Variants in FMNL2 observed in about 807,000 individuals in gnomAD.
FMNL2 encodes formin-like protein 2.
A neutral mutation model predicts 130.2 loss-of-function variants in FMNL2; 51 were observed. The observed-to-expected ratio is 0.39, with a 90% CI of 0.31 to 0.49. The LOEUF is 0.49. Among genes scored for constraint, FMNL2 ranks in the 20% least tolerant of loss-of-function variants. FMNL2 has a pLI of 0.85. For synonymous variants in FMNL2, 465 were observed against 467.1 expected (o/e 1.00, Z 0.06); for missense variants, 977 against 1,316.2 (o/e 0.74, Z 3.99).
chr2:152,578,733 T>C (rs1696613187), intron 7 of FMNL2, 155 bp from the exon 8 acceptor site: 1 of 531,946 alleles, frequency 1.9e-6, no homozygotes, highest in Non-Finnish European at 3.3e-6. Flanking sequence ...AGAAATATGC[T>C]CTGACAGTGA....
At chr2:152,472,241 C>T (rs983352535) in intron 1 of FMNL2, among the ~76,000 whole-genome samples, 2 of 152,094 alleles carry the variant, frequency 1.3e-5, no homozygotes, top group African/African-American at 4.8e-5. Flanking sequence ...CTTTAAGTAC[C>T]TTGAGGTAGT....
intron 1 of FMNL2, among the ~76,000 whole-genome samples, chr2:152,440,703 T>G (rs1319388657): frequency 6.6e-6 from 1 of 152,166 alleles, no homozygotes; most frequent in Non-Finnish European, 1.5e-5. Context: ...AACACATTCT[T>G]ATTAGTGCCG....
chr2:152,549,142 C>T, intron 4 of FMNL2, 45 bp downstream of exon 4: 1 of 1,353,018 alleles, frequency 7.4e-7, no homozygotes, highest in South Asian at 1.4e-5. Flanking sequence ...CTTTTGGACA[C>T]TTTACAAAGT....
chr2:152,353,750 G>T (rs1682634036), intron 1 of FMNL2, among the ~76,000 whole-genome samples: 1 of 152,340 alleles, frequency 6.6e-6, no homozygotes, highest in South Asian at 2.1e-4. Flanking sequence ...AGAAGTGGTT[G>T]TTCTGATTAT....
At chr2:152,540,280 A>C (rs1012267853) in intron 2 of FMNL2, among the ~76,000 whole-genome samples, 4 of 152,110 alleles carry the variant, frequency 2.6e-5, no homozygotes, top group Non-Finnish European at 5.9e-5. Context: ...CTACTGCTAA[A>C]TCCCCATGGC....
intron 1 of FMNL2, among the ~76,000 whole-genome samples, chr2:152,508,000 G>A (rs1451151240): frequency 1.3e-5 from 2 of 152,198 alleles, no homozygotes; most frequent in Non-Finnish European, 2.9e-5. Context: ...TATGGCTTTT[G>A]TGTTAATTTG....
At chr2:152,636,923 G>C (rs1682661884) in intron 22 of FMNL2, among the ~76,000 whole-genome samples, 1 of 152,122 alleles carries the variant, frequency 6.6e-6, no homozygotes, top group African/African-American at 2.4e-5. Flanking sequence ...CCTGTGTAGT[G>C]GGTTTCTGTA....
At chr2:152,633,190 G>A (rs1049939398) in intron 21 of FMNL2, among the ~76,000 whole-genome samples, 2 of 151,688 alleles carry the variant, frequency 1.3e-5, no homozygotes, top group African/African-American at 4.8e-5. Flanking sequence ...TGACCTCCCA[G>A]GCTGAAACGA....
chr2:152,512,605 A>G (rs753285891), intron 1 of FMNL2, among the ~76,000 whole-genome samples: 5 of 152,188 alleles, frequency 3.3e-5, no homozygotes, highest in Admixed American at 6.5e-5. Context: ...TCCTTTTTTA[A>G]TGAACTCCTG....
chr2:152,509,737 CTTTTTTTTTT>C (rs138976882), intron 1 of FMNL2, among the ~76,000 whole-genome samples: 10 of 58,686 alleles, frequency 1.7e-4, no homozygotes, highest in South Asian at 9.3e-4. Context: ...TACTCTGGAC[CTTTTTTTTTT>C]TTTTTTTTTT....
intron 9 of FMNL2, among the ~76,000 whole-genome samples, chr2:152,601,796 A>G (rs1698090872): frequency 6.7e-6 from 1 of 149,862 alleles, no homozygotes; most frequent in African/African-American, 2.5e-5. Context: ...CAGCCTTCCT[A>G]ATACGTGGGA....
chr2:152,538,904 A>G (rs1054528342), intron 2 of FMNL2, among the ~76,000 whole-genome samples: 1 of 152,182 alleles, frequency 6.6e-6, no homozygotes, highest in African/African-American at 2.4e-5. Flanking sequence ...TGCCAAACAC[A>G]TTTATTTTGA....
chr2:152,621,999 A>G (rs1395879163), intron 15 of FMNL2, among the ~76,000 whole-genome samples: 1 of 152,236 alleles, frequency 6.6e-6, no homozygotes, highest in African/African-American at 2.4e-5. Context: ...GGAGAGCCCC[A>G]TAGTTTATCT....
intron 1 of FMNL2, among the ~76,000 whole-genome samples, chr2:152,414,574 T>C (rs981748966): frequency 5.9e-5 from 9 of 152,186 alleles, no homozygotes; most frequent in Non-Finnish European, 1.3e-4. Flanking sequence ...CCTGTCTCTT[T>C]CTAGTATGAC....
chr2:152,579,464 G>A (rs1477683308), intron 8 of FMNL2, among the ~76,000 whole-genome samples: 8 of 152,162 alleles, frequency 5.3e-5, no homozygotes, highest in African/African-American at 1.4e-4. Context: ...TTGGGAGGCC[G>A]AGGCAGGCAG....
chr2:152,537,534 T>C (rs1478977664), intron 2 of FMNL2, among the ~76,000 whole-genome samples: 1 of 152,228 alleles, frequency 6.6e-6, no homozygotes, highest in African/African-American at 2.4e-5. Flanking sequence ...TTGACTAACT[T>C]ATGTCTACTG....
intron 1 of FMNL2, among the ~76,000 whole-genome samples, chr2:152,395,192 T>C (rs926052285): frequency 3.9e-5 from 6 of 152,216 alleles, no homozygotes; most frequent in Non-Finnish European, 7.3e-5. Context: ...AGCCCGTATT[T>C]CCAGAGTGTT....
At chr2:152,558,847 C>T (rs1466688905) in intron 5 of FMNL2, 24 bp downstream of exon 5, 31 of 1,604,466 alleles carry the variant, frequency 1.9e-5, no homozygotes, top group Non-Finnish European at 2.6e-5. Context: ...GGCTTGCTTG[C>T]ATTTGAATTT....
chr2:152,568,812 G>A (rs1696007205), intron 6 of FMNL2, among the ~76,000 whole-genome samples: 4 of 152,116 alleles, frequency 2.6e-5, no homozygotes. Flanking sequence ...CTCTTACTGG[G>A]TCCCTCCCAC....
Sources: gnomAD v4.1 joint callset for allele counts (sites outside exome capture counted in the v4.1 genomes callset) on GRCh38, gnomAD v4.1.1 for gene constraint, MANE v1.5 for transcripts, NCBI Gene and HGNC (gene_info 2026-07-23, HGNC 2026-07-21) for gene names.